LRP1B: variants seen among roughly 807,000 people sequenced by gnomAD.
LRP1B encodes LDL receptor related protein 1B.
Under a neutral mutation model 556.6 loss-of-function variants are expected in LRP1B, and 217 were observed. That is an observed-to-expected ratio of 0.39 (90% confidence interval 0.35 to 0.44). LRP1B has a LOEUF of 0.44. LRP1B is among the 20% of genes least tolerant of loss of function. The pLI is 1.00. For synonymous variants in LRP1B, 2,047 were observed against 1,865.8 expected (o/e 1.10, Z -2.50); for missense variants, 5,053 against 5,620.8 (o/e 0.90, Z 3.23).
At chr2:141,368,080 T>C (rs1316400416) in intron 3 of LRP1B, among the ~76,000 whole-genome samples, 2 of 152,212 alleles carry the variant, frequency 1.3e-5, no homozygotes, top group African/African-American at 4.8e-5. Context: ...TTATTAGCAC[T>C]TCAAATTTTT....
chr2:140,544,712 C>G (rs952438916), intron 43 of LRP1B, among the ~76,000 whole-genome samples: 144 of 152,072 alleles, frequency 9.5e-4, no homozygotes, highest in African/African-American at 3.5e-3. Flanking sequence ...TCTTCTTTAC[C>G]CAGTCTACCA....
intron 1 of LRP1B, among the ~76,000 whole-genome samples, chr2:141,884,891 G>A (rs550607972): frequency 6.6e-6 from 1 of 152,254 alleles, no homozygotes; most frequent in South Asian, 2.1e-4. Flanking sequence ...GCTGAAAAAT[G>A]ATTCATCAGA....
chr2:141,969,051 A>G lies in LRP1B; in HGVS notation c.83-158650T>C, dbSNP rs1252778429. On this transcript the variant is annotated intron_variant, in intron 1 of 90. Transcript: ENST00000389484. ...CTAAAGTTTGCCTATATTATAGCCT[A>G]CAATCCCTATCCTGGCTTGGCAACC... Among the ~76,000 whole-genome samples the G allele has an allele frequency of 2.0e-5, 3 of 151,244 alleles. No individual in the cohort carries two copies. In the East Asian group the frequency reaches 5.8e-4, roughly 29 times the overall value.
chr2:141,956,095 T>A (rs1558985179), intron 1 of LRP1B, among the ~76,000 whole-genome samples: 1 of 152,034 alleles, frequency 6.6e-6, no homozygotes, highest in African/African-American at 2.4e-5. Context: ...TATCTGTTTC[T>A]AGCTGGGATA....
At chr2:140,480,882 T>G (rs2105355634) in intron 59 of LRP1B, among the ~76,000 whole-genome samples, 1 of 152,288 alleles carries the variant, frequency 6.6e-6, no homozygotes, top group Admixed American at 6.5e-5. Context: ...TACCTTATTT[T>G]GAGAGAAAAA....
chr2:141,609,339 T>G (rs1339047926), intron 2 of LRP1B, among the ~76,000 whole-genome samples: 3 of 152,176 alleles, frequency 2.0e-5, no homozygotes, highest in Non-Finnish European at 4.4e-5. Flanking sequence ...TCATGGCCTC[T>G]AAAGAAAATA....
Position 141,423,290 on chromosome 2 carries a change from C to CCTT in LRP1B, c.343+57105_343+57106insAAG, listed in dbSNP as rs1321976263. Among the ~76,000 whole-genome samples the CCTT allele has an allele frequency of 2.2e-4, 15 of 68,376 alleles. 4 individuals carry two copies. The highest frequency in any genetic ancestry group is 3.6e-4 in the Non-Finnish European group (12 of 33,618). The allele number at this position is 68,376 out of a possible 152,430, so 44.9% of individuals were successfully genotyped here. ...CCCTCTCACTAGGCAACAGCCAGAG[C>CCTT]TTTTTTTTTTTTTTTTTTTTTTTTT... On this transcript the variant is annotated intron_variant, in intron 3 of 90. Coordinates refer to ENST00000389484, the MANE Select transcript of LRP1B (RefSeq NM_018557.3).
At chr2:140,691,023 A>T (rs1039155315) in intron 41 of LRP1B, among the ~76,000 whole-genome samples, 3 of 152,188 alleles carry the variant, frequency 2.0e-5, no homozygotes, top group Non-Finnish European at 4.4e-5. Context: ...ATCAAATTAA[A>T]ACTATATGCA....
chr2:141,743,802 T>C (rs775322030), intron 2 of LRP1B, among the ~76,000 whole-genome samples: 4 of 152,110 alleles, frequency 2.6e-5, no homozygotes, highest in Non-Finnish European at 4.4e-5. Context: ...AAGTTGATCA[T>C]AGTGCCCACT....
At chr2:140,257,266 T>C (rs550848324) in intron 86 of LRP1B, among the ~76,000 whole-genome samples, 1 of 152,194 alleles carries the variant, frequency 6.6e-6, no homozygotes, top group Admixed American at 6.6e-5. Flanking sequence ...AGGTGGTTTA[T>C]AGCAGTACAA....
At chr2:140,925,220 A>G (rs1351159836) in intron 20 of LRP1B, among the ~76,000 whole-genome samples, 1 of 152,134 alleles carries the variant, frequency 6.6e-6, no homozygotes, top group East Asian at 1.9e-4. Flanking sequence ...ATATGGAGGA[A>G]TGACTGTATG....
At chr2:142,069,828 T>C (rs1438693057) in intron 1 of LRP1B, among the ~76,000 whole-genome samples, 1 of 130,544 alleles carries the variant, frequency 7.7e-6, no homozygotes, top group Non-Finnish European at 1.8e-5. Flanking sequence ...AAAAGATTAG[T>C]ATTTTTGCAA....
intron 41 of LRP1B, among the ~76,000 whole-genome samples, chr2:140,679,644 G>A (rs895232923): frequency 6.6e-6 from 1 of 152,162 alleles, no homozygotes; most frequent in African/African-American, 2.4e-5. Flanking sequence ...TCGGGTTTCC[G>A]TTAGGAGCCA....
intron 2 of LRP1B, among the ~76,000 whole-genome samples, chr2:141,759,721 A>G (rs562736469): frequency 6.6e-6 from 1 of 152,352 alleles, no homozygotes; most frequent in Admixed American, 6.5e-5. Context: ...GGAAGAAAAT[A>G]TAATGGATGG....
At chr2:141,457,479 T>C (rs1395761463) in intron 3 of LRP1B, among the ~76,000 whole-genome samples, 1 of 152,072 alleles carries the variant, frequency 6.6e-6, no homozygotes, top group Non-Finnish European at 1.5e-5. Context: ...AAATAGCTAA[T>C]ACATGCTGGA....
At chr2:140,522,938 A>G (rs2104958249) in intron 49 of LRP1B, among the ~76,000 whole-genome samples, 1 of 152,186 alleles carries the variant, frequency 6.6e-6, no homozygotes, top group Admixed American at 6.6e-5. Flanking sequence ...AGATATATTC[A>G]CAGCCAAATT....
intron 29 of LRP1B, among the ~76,000 whole-genome samples, chr2:140,843,093 T>G (rs1157146639): frequency 6.7e-5 from 2 of 29,752 alleles, no homozygotes; most frequent in Admixed American, 6.7e-4. Context: ...TTGTTTTTTT[T>G]TTTTTTGTTT....
intron 7 of LRP1B, among the ~76,000 whole-genome samples, chr2:141,108,887 C>A (rs1700679214): frequency 6.6e-6 from 1 of 152,118 alleles, no homozygotes. Context: ...TAGCCCTTCT[C>A]TGAACTAACC....
At chr2:141,505,090 CCT>C (rs35936327) in intron 2 of LRP1B, among the ~76,000 whole-genome samples, 1 of 150,950 alleles carries the variant, frequency 6.6e-6, no homozygotes, top group African/African-American at 2.4e-5. Flanking sequence ...ATAAATCCCT[CCT>C]CTCTCTCTCT....
Sources: allele counts gnomAD v4.1 joint callset (sites outside exome capture counted in the v4.1 genomes callset), GRCh38; gene constraint gnomAD v4.1.1; transcripts MANE v1.5; gene names NCBI Gene and HGNC (gene_info 2026-07-23, HGNC 2026-07-21).